The following MAN1B1 variants were observed in gnomAD, a reference collection of about 807,000 sequenced individuals.
The protein encoded by MAN1B1 is endoplasmic reticulum mannosyl-oligosaccharide 1,2-alpha-mannosidase.
MAN1B1 carries 66 observed loss-of-function variants against 75.5 expected under a neutral mutation model. The observed-to-expected ratio is 0.87, with a 90% CI of 0.72 to 1.07. MAN1B1 has a LOEUF of 1.07. Ranked by LOEUF, MAN1B1 falls within the 50% of genes least tolerant of loss-of-function variation. The pLI, the probability that MAN1B1 is intolerant of heterozygous loss-of-function variation, is 0.00. For missense variants in MAN1B1, 973 were observed against 912.5 expected (o/e 1.07, Z -0.85); for synonymous variants, 453 against 382.8 (o/e 1.18, Z -2.14).
At chr9:137,087,330 C>T (rs1588578546) in intron 1 of MAN1B1, 112 bp downstream of exon 1, 2 of 1,184,924 alleles carry the variant, frequency 1.7e-6, no homozygotes, top group Non-Finnish European at 2.4e-6. Flanking sequence ...CAGGCGCCGC[C>T]CTCTCCACCC....
At chr9:137,094,467 TAG>T in intron 3 of MAN1B1, 1 of 411,598 alleles carries the variant, frequency 2.4e-6, no homozygotes, top group Non-Finnish European at 4.9e-6. Context: ...ACAGTGGAAC[TAG>T]TGGCTCACAT....
intron 3 of MAN1B1, among the ~76,000 whole-genome samples, chr9:137,092,665 G>A (rs1045043301): frequency 6.6e-6 from 1 of 152,226 alleles, no homozygotes. Context: ...CCTATGACGT[G>A]TATCATGACA....
intron 8 of MAN1B1, chr9:137,103,034 A>C (rs1830929069): frequency 4.6e-6 from 2 of 437,666 alleles, no homozygotes; most frequent in Admixed American, 2.5e-5. Context: ...GTGGTGTTAC[A>C]TTCACACTGT....
intron 8 of MAN1B1, chr9:137,103,649 C>G (rs1178646261): frequency 5.9e-6 from 2 of 338,882 alleles, no homozygotes; most frequent in East Asian, 2.0e-4. Flanking sequence ...GTGTTACACA[C>G]ATTCACACTT....
In MAN1B1 at chr9:137,101,125, C is replaced by A. The variant is rs1022621541; in HGVS notation, c.1037C>A (p.Ser346Tyr). Residue 346 changes from serine (S) to tyrosine (Y), a missense_variant, in exon 7 of 13, where the codon TCT becomes TAT. Ser to Tyr is a moderately radical substitution (Grantham distance 144). Transcript: ENST00000371589. ...GGGCTCCTGAGTGCCTACCACCTGT[C>A]TGGGGACAGCCTCTTCCTGAGGAAA... Reference protein sequence around the residue: ...LGGLLSAYHLSGDSLFLRKAE... With the variant: ...LGGLLSAYHLYGDSLFLRKAE... 2 of 1,613,960 alleles carry A rather than the reference C, an allele frequency of 1.2e-6. No homozygotes were observed. The highest frequency in any genetic ancestry group is 1.3e-5 in the African/African-American group (1 of 74,914).
Position 137,096,258 on chromosome 9 carries a change from C to A in MAN1B1, c.487C>A (p.Arg163=), listed in dbSNP as rs759388460. 3.1e-6 allele frequency: 5 copies of A among 1,614,008 alleles called. No individual in the cohort carries two copies. In the Admixed American group the frequency reaches 8.3e-5, roughly 27 times the overall value. ...SSQKTQRHIQ[R]GPPHLQIRPP... is the part of the protein sequence containing the mutation. ...ACAGAAGACACAAAGACACATCCAG[C>A]GGGGACCACCTCACCTGCAGATTAG... Residue 163 remains arginine (R), a synonymous_variant, in exon 4 of 13, where the codon CGG becomes AGG. Coordinates refer to ENST00000371589, the MANE Select transcript of MAN1B1 (RefSeq NM_016219.5).
Position 137,106,770 on chromosome 9 carries a change from T to C in MAN1B1, c.1527T>C (p.Phe509=). 6.2e-7 allele frequency: 1 copy of C among 1,613,440 alleles called. No homozygotes were observed. The highest frequency in any genetic ancestry group is 2.2e-5 in the East Asian group (1 of 44,886). Residue 509 remains phenylalanine, a synonymous_variant, in exon 10 of 13, where the codon TTT becomes TTC. Transcript: ENST00000371589. ...LRHSEPSKLT[F]VGELAHGRFS... ...ACTCCGAGCCCAGTAAGCTCACCTT[T>C]GTGGGGGAGCTTGCCCACGGCCGCT...
chr9:137,097,082 G>A (rs940668274), intron 4 of MAN1B1, among the ~76,000 whole-genome samples: 9 of 152,234 alleles, frequency 5.9e-5, no homozygotes, highest in African/African-American at 9.6e-5. Context: ...GGTGAGAGGC[G>A]TGGACATGTG....
chr9:137,093,265 G>A (rs567472483), intron 3 of MAN1B1, among the ~76,000 whole-genome samples: 2 of 152,106 alleles, frequency 1.3e-5, no homozygotes, highest in African/African-American at 2.4e-5. Flanking sequence ...GTGGTGGTGC[G>A]CACCTGTAAT....
intron 8 of MAN1B1, chr9:137,102,695 C>G (rs1350498406): frequency 2.8e-6 from 1 of 354,162 alleles, no homozygotes; most frequent in Non-Finnish European, 5.3e-6. Flanking sequence ...TGCAGACATG[C>G]AGGTCGGTGC....
chr9:137,089,099 A>T lies in MAN1B1; in HGVS notation c.465+94A>T, dbSNP rs531368833. On this transcript the variant is annotated intron_variant, in intron 3 of 12. Transcript: ENST00000371589. ...TTGAGAAGAATTATTTTCCTTTACC[A>T]TTTATTACCACGTGTTTACCTCTCT... 5 of 1,465,096 alleles carry T rather than the reference A, an allele frequency of 3.4e-6. No homozygotes were observed. In the South Asian group the frequency reaches 5.7e-5, roughly 17 times the overall value. The allele number at this position is 1,465,096 out of a possible 1,614,324, so 90.8% of individuals were successfully genotyped here. A position where few individuals can be genotyped will look rare whatever the true frequency, so the allele number is the denominator to read the frequency against.
intron 8 of MAN1B1, chr9:137,103,778 G>A (rs1171721238): frequency 2.2e-6 from 1 of 445,738 alleles, no homozygotes; most frequent in African/African-American, 2.2e-5. Flanking sequence ...TCACACTGTT[G>A]CAGGTGTGCA....
In MAN1B1 at chr9:137,101,053, A is replaced by G; in HGVS notation, c.965A>G (p.Lys322Arg). The change falls in exon 7 of 13, where the codon AAG becomes AGG. Residue 322 changes from lysine to arginine, a missense_variant. By Grantham distance (26) the Lys-to-Arg change is conservative (BLOSUM62 2). Transcript: ENST00000371589. ...KWVSKKLHFE[K>R]DVDVNLFEST... ...GTGTCGAAGAAGTTACACTTTGAAA[A>G]GGACGTGGACGTCAACCTGTTTGAG... is the stretch of plus-strand genomic sequence containing the variant. 6.2e-7 allele frequency: 1 copy of G among 1,614,178 alleles called. No individual in the cohort carries two copies. Among genetic ancestry groups the G allele is most frequent in the Admixed American group, 1.7e-5 (1 of 60,028 alleles).
In MAN1B1 at chr9:137,101,155, T is replaced by C; in HGVS notation, c.1065+2T>C. ...GACAGCCTCTTCCTGAGGAAAGCTG[T>C]AAGTGTCTTGGGGTGTCCTGCAGGG... On this transcript the variant is annotated splice_donor_variant, in intron 7 of 12. Coordinates refer to ENST00000371589, the MANE Select transcript of MAN1B1 (RefSeq NM_016219.5). LOFTEE classifies it high-confidence loss of function. 6.2e-7 allele frequency: 1 copy of C among 1,613,766 alleles called. No individual in the cohort carries two copies. The highest frequency in any genetic ancestry group is 8.5e-7 in the Non-Finnish European group (1 of 1,180,022).
chr9:137,100,007 G>GCACCCAGGAGAA, intron 6 of MAN1B1, 126 bp downstream of exon 6: 3 of 1,132,608 alleles, frequency 2.6e-6, no homozygotes, highest in Non-Finnish European at 2.6e-6. Flanking sequence ...CCCTTCTCCT[G>GCACCCAGGAGAA]GGTGCGGGAG....
intron 3 of MAN1B1, among the ~76,000 whole-genome samples, chr9:137,093,086 G>C (rs1442974650): frequency 1.3e-5 from 2 of 152,146 alleles, no homozygotes; most frequent in Non-Finnish European, 2.9e-5. Context: ...ATTAGAAAAT[G>C]TTATTGAAAA....
chr9:137,090,739 A>G (rs1482209520), intron 3 of MAN1B1, among the ~76,000 whole-genome samples: 1 of 151,920 alleles, frequency 6.6e-6, no homozygotes, highest in Admixed American at 6.6e-5. Context: ...GTGTTTCACT[A>G]TGTTGGTCAG....
rs199738190 is a variant in MAN1B1 at position 137,088,966 on chromosome 9, G to A, written c.426G>A (p.Ala142=). The change falls in exon 3 of 13, where the codon GCG becomes GCA. Residue 142 remains alanine, a synonymous_variant. Transcript: ENST00000371589. ...NPPVLPAPQK[A]DTDPENLPEI... is the part of the protein sequence containing the mutation. ...CCGTCTTACCAGCTCCTCAGAAGGC[G>A]GACACCGACCCTGAGAACTTACCTG... The A allele has an allele frequency of 2.9e-5, 46 of 1,613,964 alleles. 1 individual carries two copies. The East Asian group carries it at 4.2e-4, about 15-fold the overall frequency.
intron 1 of MAN1B1, 135 bp downstream of exon 1, chr9:137,087,353 A>C: frequency 3.8e-6 from 4 of 1,060,450 alleles, no homozygotes; most frequent in South Asian, 1.5e-5. Flanking sequence ...TCCCCGCAAA[A>C]AGGGGCAAAT....
Sources: allele counts gnomAD v4.1 joint callset (sites outside exome capture counted in the v4.1 genomes callset), GRCh38; gene constraint gnomAD v4.1.1; transcripts MANE v1.5; gene names NCBI Gene and HGNC (gene_info 2026-07-23, HGNC 2026-07-21).